GPC6: variants seen among roughly 807,000 people sequenced by gnomAD.
GPC6 encodes the protein glypican 6, also known as glypican-6.
Under a neutral mutation model 55.2 loss-of-function variants are expected in GPC6, and 14 were observed. The ratio of observed to expected loss-of-function variants is 0.25; its 90% CI spans 0.17 to 0.40. The LOEUF (loss-of-function observed/expected upper bound fraction) is 0.40. Among genes scored for constraint, GPC6 ranks in the 10% least tolerant of loss-of-function variants. The probability of loss-of-function intolerance (pLI) is 1.00; values close to 1 mark genes in which losing one functional copy is unlikely to be tolerated. For missense variants in GPC6, 641 were observed against 708.5 expected (o/e 0.90, Z 1.08); for synonymous variants, 278 against 259.6 (o/e 1.07, Z -0.68).
intron 1 of GPC6, among the ~76,000 whole-genome samples, chr13:93,439,358 T>C (rs765131017): frequency 6.6e-6 from 1 of 152,086 alleles, no homozygotes; most frequent in Admixed American, 6.6e-5. Context: ...AATTGAATCA[T>C]GGGAGTTCTC....
At chr13:94,351,897 A>C (rs912850258) in intron 6 of GPC6, among the ~76,000 whole-genome samples, 2 of 150,774 alleles carry the variant, frequency 1.3e-5, no homozygotes, top group African/African-American at 4.9e-5. Context: ...CTGGTAATTA[A>C]ACCACACCAA....
chr13:94,113,632 C>T (rs956562097), intron 4 of GPC6, among the ~76,000 whole-genome samples: 3 of 152,016 alleles, frequency 2.0e-5, no homozygotes, highest in African/African-American at 7.2e-5. Flanking sequence ...AATGAAGGAG[C>T]CATAGGATGT....
intron 4 of GPC6, among the ~76,000 whole-genome samples, chr13:94,211,745 A>G (rs962825478): frequency 6.6e-6 from 1 of 152,236 alleles, no homozygotes; most frequent in Non-Finnish European, 1.5e-5. Context: ...TAAAGACCAC[A>G]AGCTCAGAAT....
intron 1 of GPC6, among the ~76,000 whole-genome samples, chr13:93,367,664 C>T (rs1203336768): frequency 6.6e-6 from 1 of 152,024 alleles, no homozygotes; most frequent in Admixed American, 6.6e-5. Context: ...TTTGATATCT[C>T]TTGCAACTAA....
At chr13:93,365,071 G>A (rs1405996648) in intron 1 of GPC6, among the ~76,000 whole-genome samples, 2 of 151,996 alleles carry the variant, frequency 1.3e-5, no homozygotes, top group African/African-American at 4.8e-5. Context: ...TCACCCCCAT[G>A]TCAATGAAAA....
intron 4 of GPC6, among the ~76,000 whole-genome samples, chr13:94,076,558 C>T (rs898856508): frequency 6.6e-6 from 1 of 151,882 alleles, no homozygotes; most frequent in African/African-American, 2.4e-5. Flanking sequence ...ATTGCTAATG[C>T]CAATGTCAAG....
chr13:93,462,788 T>A (rs1878744837), intron 1 of GPC6, among the ~76,000 whole-genome samples: 2 of 151,880 alleles, frequency 1.3e-5, no homozygotes, highest in African/African-American at 4.8e-5. Context: ...AAGCCTACTG[T>A]GTATATAAGA....
chr13:93,860,128 C>G lies in GPC6; in HGVS notation c.711+29583C>G, dbSNP rs180914385. On this transcript the variant is annotated intron_variant, in intron 3 of 8. Transcript: ENST00000377047. The stretch of plus-strand genomic sequence containing the variant: ...TAGACACTAGTACCAGCATTGTCTT[C>G]TCATGGAGTCATCTTGGGCCACCCT... 5.3e-4 allele frequency among the ~76,000 whole-genome samples: 80 copies of G among 151,786 alleles called. 1 individual carries two copies. The highest frequency in any genetic ancestry group is 1.8e-3 in the African/African-American group (76 of 41,510).
chr13:93,525,600 A>G (rs1412347345), intron 1 of GPC6, among the ~76,000 whole-genome samples: 1 of 152,076 alleles, frequency 6.6e-6, no homozygotes, highest in Non-Finnish European at 1.5e-5. Context: ...CGAAGTGGAA[A>G]AACTGAACTA....
At chr13:93,672,558 A>G (rs1296047347) in intron 2 of GPC6, among the ~76,000 whole-genome samples, 2 of 151,544 alleles carry the variant, frequency 1.3e-5, no homozygotes, top group African/African-American at 2.4e-5. Flanking sequence ...TGTGTTATCT[A>G]CCTCTTTTGT....
At chr13:93,315,702 TA>T (rs1043737882) in intron 1 of GPC6, among the ~76,000 whole-genome samples, 1 of 151,846 alleles carries the variant, frequency 6.6e-6, no homozygotes. Context: ...GCTTTTATTT[TA>T]AGAGATTAAT....
chr13:93,394,897 A>G (rs1159773184), intron 1 of GPC6: 1 of 158,504 alleles, frequency 6.3e-6, no homozygotes. Flanking sequence ...AAAAAAATCT[A>G]CATTGAAACC....
Position 94,407,223 on chromosome 13 carries a change from T to A in GPC6, c.*4006T>A, listed in dbSNP as rs1456817308. 1 of 152,104 alleles carries A rather than the reference T, an allele frequency of 6.6e-6. No homozygotes were observed. The highest frequency in any genetic ancestry group is 2.4e-5 in the African/African-American group (1 of 41,438). The allele number at this position is 152,104 out of a possible 1,614,324, so 9.4% of individuals were successfully genotyped here. A position where few individuals can be genotyped will look rare whatever the true frequency, so the allele number is the denominator to read the frequency against. On this transcript the variant is annotated 3_prime_UTR_variant, in exon 9 of 9. Transcript: ENST00000377047. ...CAAAAAAAGACCCCTAACAATGGCA[T>A]AATAGTGAGGTCTCTCTGTGCATAT...
In GPC6 at chr13:93,796,826, C is replaced by G. The variant is rs545226300; in HGVS notation, c.320-33328C>G. On this transcript the variant is annotated intron_variant, in intron 2 of 8. Coordinates refer to ENST00000377047, the MANE Select transcript of GPC6 (RefSeq NM_005708.5). ...TTGATTTGCCTCTGGCTTGGCCATTCCAAGAAGAGCTTAAGCTTTTTCATC... is the reference window on the plus strand; with the variant it reads ...TTGATTTGCCTCTGGCTTGGCCATTGCAAGAAGAGCTTAAGCTTTTTCATC... Among the ~76,000 whole-genome samples the G allele has an allele frequency of 4.9e-5, 6 of 121,788 alleles. No individual in the cohort carries two copies. The East Asian group carries it at 1.4e-3, about 28-fold the overall frequency. The allele number at this position is 121,788 out of a possible 152,430, so 79.9% of individuals were successfully genotyped here. A position where few individuals can be genotyped will look rare whatever the true frequency, so the allele number is the denominator to read the frequency against.
At chr13:94,143,084 C>T (rs1887442300) in intron 4 of GPC6, among the ~76,000 whole-genome samples, 1 of 151,544 alleles carries the variant, frequency 6.6e-6, no homozygotes, top group African/African-American at 2.4e-5. Context: ...CTCGGCCTCC[C>T]AAAGTGCTGG....
At chr13:93,351,102 A>G (rs1201436851) in intron 1 of GPC6, among the ~76,000 whole-genome samples, 1 of 152,162 alleles carries the variant, frequency 6.6e-6, no homozygotes, top group East Asian at 1.9e-4. Flanking sequence ...ACAGAAAGTA[A>G]AAAGACATTT....
intron 4 of GPC6, among the ~76,000 whole-genome samples, chr13:94,259,385 T>C (rs996825378): frequency 6.6e-6 from 1 of 152,178 alleles, no homozygotes; most frequent in Non-Finnish European, 1.5e-5. Context: ...ATGGGGGAAA[T>C]GATTATTGAG....
chr13:93,777,987 GAAAGAGGAGTC>G (rs1885521953), intron 2 of GPC6, among the ~76,000 whole-genome samples: 1 of 152,172 alleles, frequency 6.6e-6, no homozygotes. Context: ...GAGAGATCTT[GAAAGAGGAGTC>G]AAAGGTGAGC....
At chr13:93,648,726 C>T (rs942169509) in intron 2 of GPC6, among the ~76,000 whole-genome samples, 2 of 152,166 alleles carry the variant, frequency 1.3e-5, no homozygotes, top group African/African-American at 2.4e-5. Flanking sequence ...TGCTTATACT[C>T]CAGGCATTAT....
Sources: gnomAD v4.1 joint callset for allele counts (sites outside exome capture counted in the v4.1 genomes callset) on GRCh38, gnomAD v4.1.1 for gene constraint, MANE v1.5 for transcripts, NCBI Gene and HGNC (gene_info 2026-07-23, HGNC 2026-07-21) for gene names.